Variants in DGKE observed in about 807,000 individuals in gnomAD.
DGKE encodes diacylglycerol kinase epsilon.
Under a neutral mutation model 70.0 loss-of-function variants are expected in DGKE, and 53 were observed. The ratio of observed to expected loss-of-function variants is 0.76; its 90% confidence interval spans 0.61 to 0.95. The LOEUF is 0.95. DGKE is among the 40% of genes least tolerant of loss of function. The pLI is 0.00. For missense variants in DGKE, 655 were observed against 706.9 expected, an observed-to-expected ratio of 0.93 and a Z score of 0.83; for synonymous variants, 291 against 257.0, an observed-to-expected ratio of 1.13 and a Z score of -1.27.
rs781149394 is a variant in DGKE at position 56,864,525 on chromosome 17, T to G, written c.*1734T>G. 5 of 152,082 alleles carry G rather than the reference T, an allele frequency of 3.3e-5. No homozygotes were observed. Among genetic ancestry groups the G allele is most frequent in the African/African-American group, 4.8e-5 (2 of 41,418 alleles). The allele number at this position is 152,082 out of a possible 1,614,324, so 9.4% of individuals were successfully genotyped here. On this transcript the variant is annotated 3_prime_UTR_variant, in exon 12 of 12. Transcript: ENST00000284061. ...AGTCTTGAGAAACTTTGTGAGCAGATCTGTTTTCAGCTTCTTTATATACCT... is the reference window on the plus strand; with the variant it reads ...AGTCTTGAGAAACTTTGTGAGCAGAGCTGTTTTCAGCTTCTTTATATACCT...
At chr17:56,855,095 A>G (rs1598041147) in intron 7 of DGKE, among the ~76,000 whole-genome samples, 1 of 152,312 alleles carries the variant, frequency 6.6e-6, no homozygotes, top group Middle Eastern at 3.4e-3. Context: ...TTTCTGAATA[A>G]AGGACACCTA....
Position 56,867,864 on chromosome 17 carries a change from A to G in DGKE, c.*5073A>G, listed in dbSNP as rs758498730. The G allele has an allele frequency of 1.3e-5, 2 of 152,168 alleles. No individual in the cohort carries two copies. The highest frequency in any genetic ancestry group is 4.2e-4 in the South Asian group (2 of 4,784). The allele number at this position is 152,168 out of a possible 1,614,324, so 9.4% of individuals were successfully genotyped here. A position where few individuals can be genotyped will look rare whatever the true frequency, so the allele number is the denominator to read the frequency against. On this transcript the variant is annotated 3_prime_UTR_variant, in exon 12 of 12. Coordinates refer to ENST00000284061, the MANE Select transcript of DGKE (RefSeq NM_003647.3). ...GAGGCGGAGCTTGCAGCGAGCCGAG[A>G]TAGTGCCACTGCAGTGGGGCCTGGG...
At chr17:56,859,279 C>A (rs980454949) in intron 9 of DGKE, among the ~76,000 whole-genome samples, 1 of 151,032 alleles carries the variant, frequency 6.6e-6, no homozygotes, top group Non-Finnish European at 1.5e-5. Context: ...GAGCCAAGAT[C>A]GCGACGCTGC....
At position 56,840,767 on chromosome 17, in the gene DGKE, G is replaced by A. The variant is rs138089854; in HGVS notation, c.465-3252G>A. ...GGTTAAGAAGCACTGAATTAAAGAT[G>A]TAACTATGACAACTGAACTGGGAGG... On this transcript the variant is annotated intron_variant, in intron 2 of 11. Coordinates refer to ENST00000284061, the MANE Select transcript of DGKE (RefSeq NM_003647.3). 1.8e-3 allele frequency among the ~76,000 whole-genome samples: 271 copies of A among 152,182 alleles called. 1 individual carries two copies. Among genetic ancestry groups the A allele is most frequent in the African/African-American group, 6.1e-3 (253 of 41,524 alleles).
rs1908537460 is a variant in DGKE at position 56,866,694 on chromosome 17, G to A, written c.*3903G>A. 6.6e-6 allele frequency: 1 copy of A among 152,212 alleles called. No individual in the cohort carries two copies. The allele number at this position is 152,212 out of a possible 1,614,324, so 9.4% of individuals were successfully genotyped here. On this transcript the variant is annotated 3_prime_UTR_variant, in exon 12 of 12. Transcript: ENST00000284061. ...GAGTTGCTTCAGGAGTTAGTGCAGT[G>A]CGCCTCCAAGGGGCAGTGAGCCATG... is the stretch of plus-strand genomic sequence containing the variant.
intron 7 of DGKE, among the ~76,000 whole-genome samples, chr17:56,850,815 C>G (rs978250609): frequency 1.2e-4 from 19 of 152,018 alleles, no homozygotes; most frequent in African/African-American, 4.6e-4. Flanking sequence ...AGAAAGAAAC[C>G]AGTTTATTGA....
chr17:56,849,324 C>A, intron 7 of DGKE, 92 bp downstream of exon 7: 2 of 1,140,740 alleles, frequency 1.8e-6, no homozygotes, highest in Non-Finnish European at 1.3e-6. Flanking sequence ...TGGTGCTTAT[C>A]TCAAGGGAGC....
In DGKE at chr17:56,854,069, C is replaced by CAG. The variant is rs36106261; in HGVS notation, c.1099-2441_1099-2440dup. On this transcript the variant is annotated intron_variant, in intron 7 of 11. Transcript: ENST00000284061. ...TTATGTTAAATAAATAAACCAGTCA[C>CAG]AGACAAATATTGTATGATGTCACTT... Among the ~76,000 whole-genome samples the CAG allele has an allele frequency of 5.3e-5, 8 of 150,246 alleles. No individual in the cohort carries two copies. The East Asian group carries it at 1.6e-3, about 29-fold the overall frequency.
chr17:56,835,006 C>G lies in DGKE; in HGVS notation c.211C>G (p.Pro71Ala). 6.2e-7 allele frequency: 1 copy of G among 1,612,684 alleles called. No homozygotes were observed. The highest frequency in any genetic ancestry group is 8.5e-7 in the Non-Finnish European group (1 of 1,179,996). ...GWRDTDLFSQ[P>A]TYCCVCAQHI... is the part of the protein sequence containing the mutation. ...GCGCGACACGGACCTGTTCAGCCAG[C>G]CCACCTACTGCTGCGTGTGCGCGCA... is the stretch of plus-strand genomic sequence containing the variant. Residue 71 changes from proline (P) to alanine (A), a missense_variant, in exon 2 of 12, where the codon CCC becomes GCC. Pro to Ala is a conservative substitution (Grantham distance 27, BLOSUM62 -1). Coordinates refer to ENST00000284061, the MANE Select transcript of DGKE (RefSeq NM_003647.3).
chr17:56,843,017 C>T (rs903906841), intron 2 of DGKE, among the ~76,000 whole-genome samples: 1 of 152,150 alleles, frequency 6.6e-6, no homozygotes, highest in African/African-American at 2.4e-5. Context: ...GTTGTACTTA[C>T]ATTTACAGGT....
chr17:56,858,464 G>C, intron 8 of DGKE, 130 bp from the exon 9 acceptor site: 1 of 674,760 alleles, frequency 1.5e-6, no homozygotes. Flanking sequence ...CTTTTCATCA[G>C]CATCTAGTCT....
Position 56,858,634 on chromosome 17 carries a change from A to T in DGKE, c.1253A>T (p.Gln418Leu). The T allele has an allele frequency of 6.2e-7, 1 of 1,605,938 alleles. No homozygotes were observed. Among genetic ancestry groups the T allele is most frequent in the East Asian group, 2.2e-5 (1 of 44,654 alleles). Reference sequence around the variant, plus strand: ...TATGGAACCAAAGATTGTTTAGTGCAAGAATGTAAAGATTTGAATAAAAAA... The same window carrying T: ...TATGGAACCAAAGATTGTTTAGTGCTAGAATGTAAAGATTTGAATAAAAAA... ...LFYGTKDCLV[Q>L]ECKDLNKKVE... The change falls in exon 9 of 12, where the codon CAA becomes CTA. Residue 418 changes from glutamine to leucine, a missense_variant. Physicochemically the swap from Gln to Leu is moderately radical, Grantham distance 113. Coordinates refer to ENST00000284061, the MANE Select transcript of DGKE (RefSeq NM_003647.3).
At chr17:56,847,321 T>C (rs1178382820) in intron 4 of DGKE, 1 of 148,252 alleles carries the variant, frequency 6.7e-6, no homozygotes, top group Non-Finnish European at 1.5e-5. Flanking sequence ...CAATGTGGTA[T>C]AGTAGATAAA....
intron 2 of DGKE, among the ~76,000 whole-genome samples, chr17:56,840,283 CAA>C (rs1906889970): frequency 6.6e-6 from 1 of 152,122 alleles, no homozygotes; most frequent in Non-Finnish European, 1.5e-5. Flanking sequence ...CGTGTTAGGA[CAA>C]GTGCTCTTGG....
chr17:56,843,813 A>AAAAAAC, intron 2 of DGKE, among the ~76,000 whole-genome samples: 1 of 151,670 alleles, frequency 6.6e-6, no homozygotes, highest in Admixed American at 6.6e-5. Flanking sequence ...AAAAAAAAAA[A>AAAAAAC]AGTGCTGTTA....
chr17:56,867,648 C>A lies in DGKE; in HGVS notation c.*4857C>A, dbSNP rs12150100. 38,922 of 152,258 alleles carry A rather than the reference C, an allele frequency of 0.26. 5,117 individuals carry two copies. The highest frequency in any genetic ancestry group is 0.39 in the South Asian group (1,859 of 4,816). The allele number at this position is 152,258 out of a possible 1,614,324, so 9.4% of individuals were successfully genotyped here. On this transcript the variant is annotated 3_prime_UTR_variant, in exon 12 of 12. Transcript: ENST00000284061. ...TGGTGGCTCACGCCTGTAATCCCAGCACTTTGGGAGGCTGAGGCAGGTGGA... is the reference window on the plus strand; with the variant it reads ...TGGTGGCTCACGCCTGTAATCCCAGAACTTTGGGAGGCTGAGGCAGGTGGA...
chr17:56,855,110 A>G (rs921772060), intron 7 of DGKE, among the ~76,000 whole-genome samples: 4 of 152,082 alleles, frequency 2.6e-5, no homozygotes, highest in African/African-American at 2.4e-5. Context: ...CACCTAGGAA[A>G]CTAGAAAAAA....
In DGKE at chr17:56,862,225, C is replaced by T. The variant is rs1342368899; in HGVS notation, c.1498C>T (p.Arg500Ter). ...TCAAGTAAAACTGGCTAATCCTTTT[C>T]GAATAGGACAGGCACATACAGTGAG... ...QIQVKLANPF[R>*]IGQAHTVRLI... The change falls in exon 11 of 12, where the codon CGA (arginine) becomes TGA (stop). Residue 500 changes from arginine (R) to a stop codon, truncating the protein, a stop_gained. Coordinates refer to ENST00000284061, the MANE Select transcript of DGKE (RefSeq NM_003647.3). LOFTEE classifies it high-confidence loss of function. 3.7e-6 allele frequency: 6 copies of T among 1,614,074 alleles called. No individual in the cohort carries two copies. Among genetic ancestry groups the T allele is most frequent in the Non-Finnish European group, 5.1e-6 (6 of 1,179,980 alleles).
At position 56,844,012 on chromosome 17, in the gene DGKE, C is replaced by A; in HGVS notation, c.465-7C>A. On this transcript the variant is annotated splice_polypyrimidine_tract_variant and splice_region_variant and intron_variant, in intron 2 of 11. Transcript: ENST00000284061. ...ATTAGTTAATGCTTGTTTCTTCCTTCCCTCAGGTGCATTTGGTGCCAGAAA... is the reference window on the plus strand; with the variant it reads ...ATTAGTTAATGCTTGTTTCTTCCTTACCTCAGGTGCATTTGGTGCCAGAAA... The A allele has an allele frequency of 6.5e-7, 1 of 1,531,642 alleles. No homozygotes were observed. Among genetic ancestry groups the A allele is most frequent in the South Asian group, 1.3e-5 (1 of 78,086 alleles). The allele number at this position is 1,531,642 out of a possible 1,614,324, so 94.9% of individuals were successfully genotyped here.
Sources: gnomAD v4.1 joint callset for allele counts (sites outside exome capture counted in the v4.1 genomes callset) on GRCh38, gnomAD v4.1.1 for gene constraint, MANE v1.5 for transcripts, NCBI Gene and HGNC (gene_info 2026-07-23, HGNC 2026-07-21) for gene names.